Variants in OSBPL9 observed in about 807,000 individuals in gnomAD.
The protein encoded by OSBPL9 is oxysterol binding protein like 9.
A neutral mutation model predicts 106.6 loss-of-function variants in OSBPL9; 40 were observed. The observed-to-expected ratio is 0.38, with a 90% CI of 0.29 to 0.49. OSBPL9 has a LOEUF of 0.49. Ranked by LOEUF, OSBPL9 falls within the 20% of genes least tolerant of loss-of-function variation. The pLI, the probability that OSBPL9 is intolerant of heterozygous loss-of-function variation, is 0.97. For synonymous variants in OSBPL9, 269 were observed against 295.4 expected (o/e 0.91, Z 0.92); for missense variants, 609 against 887.2 (o/e 0.69, Z 3.98).
the OSBPL9 span, among the ~76,000 whole-genome samples, chr1:51,527,859 T>G: frequency 6.6e-6 from 1 of 151,672 alleles, no homozygotes; most frequent in African/African-American, 2.4e-5. Context: ...ATGCCTGTAG[T>G]CCCAGCACTT....
intron 3 of OSBPL9, among the ~76,000 whole-genome samples, chr1:51,686,414 A>G (rs1413655769): frequency 6.6e-6 from 1 of 151,944 alleles, no homozygotes; most frequent in Admixed American, 6.6e-5. Flanking sequence ...GGCTATACTC[A>G]TGTCTGTCTC....
chr1:51,661,299 G>A (rs1647133894), intron 2 of OSBPL9, among the ~76,000 whole-genome samples: 1 of 152,128 alleles, frequency 6.6e-6, no homozygotes. Context: ...AAGGGAGATT[G>A]GCCCCAAAAT....
chr1:51,701,121 G>A (rs1334832398), intron 3 of OSBPL9, among the ~76,000 whole-genome samples: 2 of 152,082 alleles, frequency 1.3e-5, no homozygotes, highest in East Asian at 3.8e-4. Flanking sequence ...TGTATTTTTA[G>A]TAGAGACGAG....
chr1:51,696,995 C>T (rs1571144504), intron 3 of OSBPL9, among the ~76,000 whole-genome samples: 2 of 151,832 alleles, frequency 1.3e-5, no homozygotes. Flanking sequence ...ACACCCATCT[C>T]TAAAAGAATA....
At chr1:51,740,007 C>A in intron 4 of OSBPL9, 1 of 962,484 alleles carries the variant, frequency 1.0e-6, no homozygotes, top group South Asian at 1.7e-5. Context: ...TTTTAACTTG[C>A]CACTTGCTGC....
the OSBPL9 span, among the ~76,000 whole-genome samples, chr1:51,520,351 A>G: frequency 6.6e-6 from 1 of 152,244 alleles, no homozygotes; most frequent in African/African-American, 2.4e-5. Flanking sequence ...TCATCTTCAA[A>G]GTCTCAGAGT....
intron 2 of OSBPL9, among the ~76,000 whole-genome samples, chr1:51,663,326 A>G (rs1647578888): frequency 9.3e-6 from 1 of 107,834 alleles, no homozygotes. Flanking sequence ...GTGTGTGTGT[A>G]AAACGTGTGT....
At chr1:51,744,914 C>T (rs577273686) in intron 4 of OSBPL9, among the ~76,000 whole-genome samples, 1 of 152,226 alleles carries the variant, frequency 6.6e-6, no homozygotes, top group South Asian at 2.1e-4. Flanking sequence ...AACATCTATA[C>T]CACGTCTAAG....
intron 11 of OSBPL9, 125 bp from the exon 12 acceptor site, chr1:51,765,697 C>A (rs866363018): frequency 1.2e-6 from 1 of 803,588 alleles, no homozygotes; most frequent in East Asian, 2.8e-5. Flanking sequence ...TTTATAAATA[C>A]TGTAGCGACT....
intron 16 of OSBPL9, among the ~76,000 whole-genome samples, chr1:51,781,975 C>CAA (rs1442888660): frequency 6.6e-6 from 1 of 151,928 alleles, no homozygotes; most frequent in African/African-American, 2.4e-5. Flanking sequence ...ATGGGGCTTT[C>CAA]AAAGAGTATA....
At chr1:51,555,261 G>T in the OSBPL9 span, among the ~76,000 whole-genome samples, 42 of 152,080 alleles carry the variant, frequency 2.8e-4, no homozygotes, top group Admixed American at 2.6e-3. Flanking sequence ...GGAGGCCGAG[G>T]CGGGCGGATC....
chr1:51,575,554 C>T (rs1645178489), upstream of OSBPL9, among the ~76,000 whole-genome samples: 1 of 151,990 alleles, frequency 6.6e-6, no homozygotes, highest in Admixed American at 6.6e-5. Flanking sequence ...TATGAATATC[C>T]CACATCAACA....
At chr1:51,696,001 A>AT (rs1409584770) in intron 3 of OSBPL9, among the ~76,000 whole-genome samples, 1 of 152,208 alleles carries the variant, frequency 6.6e-6, no homozygotes, top group Non-Finnish European at 1.5e-5. Context: ...GTGGGAAAGT[A>AT]AAACCGGGAA....
intron 1 of OSBPL9, among the ~76,000 whole-genome samples, chr1:51,579,196 G>C (rs1018710589): frequency 6.6e-6 from 1 of 151,942 alleles, no homozygotes; most frequent in Non-Finnish European, 1.5e-5. Flanking sequence ...TAGAAATGGG[G>C]ACCTAAGGTA....
At chr1:51,738,142 G>A (rs1666112103) in intron 4 of OSBPL9, among the ~76,000 whole-genome samples, 1 of 151,982 alleles carries the variant, frequency 6.6e-6, no homozygotes, top group Non-Finnish European at 1.5e-5. Context: ...AAAATGGTAC[G>A]AATTCCAGAC....
rs368510144 is a variant in OSBPL9 at position 51,745,567 on chromosome 1, A to G, written c.350A>G (p.Gln117Arg). Residue 117 changes from glutamine to arginine, a missense_variant, in exon 5 of 24, where the codon CAA becomes CGA. Around this residue, in one of 5 missense-constraint regions of OSBPL9, gnomAD observed 72 missense variants for 140.5 expected, o/e 0.51. Coordinates refer to ENST00000428468, the MANE Select transcript of OSBPL9 (RefSeq NM_024586.6). Reference sequence around the variant, plus strand: ...GATTCAGGATTTGTTCCTAGTGTCCAAGATTTTGATAAGAAACTTACAGAA... The same window carrying G: ...GATTCAGGATTTGTTCCTAGTGTCCGAGATTTTGATAAGAAACTTACAGAA... ...GLDSGFVPSVQDFDKKLTEAD... is the reference protein window; with the variant it reads ...GLDSGFVPSVRDFDKKLTEAD... 6.2e-6 allele frequency: 10 copies of G among 1,609,242 alleles called. No individual in the cohort carries two copies. The highest frequency in any genetic ancestry group is 5.1e-5 in the Admixed American group (3 of 59,204).
At chr1:51,616,789 T>A (rs2148609537), upstream of OSBPL9, 1 of 237,222 alleles carries the variant, frequency 4.2e-6, no homozygotes, top group South Asian at 5.9e-5. Context: ...ATATGAAATC[T>A]TTTGGAAGTG....
At chr1:51,633,306 A>T (rs1305123644) in intron 1 of OSBPL9, among the ~76,000 whole-genome samples, 1 of 151,414 alleles carries the variant, frequency 6.6e-6, no homozygotes, top group African/African-American at 2.4e-5. Flanking sequence ...TGAGGTAGCT[A>T]ACACCTGTAA....
intron 1 of OSBPL9, among the ~76,000 whole-genome samples, chr1:51,580,288 T>C (rs10888727): frequency 0.16 from 24,073 of 152,242 alleles, 3,683 homozygotes; most frequent in African/African-American, 0.4. Context: ...GAATCTGTGT[T>C]CTCATTTATA....
Sources: allele counts gnomAD v4.1 joint callset (sites outside exome capture counted in the v4.1 genomes callset), GRCh38; gene constraint gnomAD v4.1.1; regional missense constraint gnomAD v4.1.1; transcripts MANE v1.5; gene names NCBI Gene and HGNC (gene_info 2026-07-23, HGNC 2026-07-21).